KIAA0232: variants seen among roughly 807,000 people sequenced by gnomAD.
KIAA0232 encodes the protein KIAA0232.
KIAA0232 carries 27 observed loss-of-function variants against 122.0 expected under a neutral mutation model. The ratio of observed to expected loss-of-function variants is 0.22; its 90% CI spans 0.16 to 0.31. The LOEUF is 0.31. Among genes scored for constraint, KIAA0232 ranks in the 10% least tolerant of loss-of-function variants. KIAA0232 has a pLI of 1.00. For missense variants in KIAA0232, 1,551 were observed against 1,634.2 expected (o/e 0.95, Z 0.88); for synonymous variants, 613 against 587.6 (o/e 1.04, Z -0.63).
At chr4:6,784,276 C>T (rs1257149390) in intron 1 of KIAA0232, among the ~76,000 whole-genome samples, 1 of 152,040 alleles carries the variant, frequency 6.6e-6, no homozygotes, top group Non-Finnish European at 1.5e-5. Flanking sequence ...TGTTAGAAAG[C>T]TCGTGAGGGG....
intron 1 of KIAA0232, among the ~76,000 whole-genome samples, chr4:6,794,855 G>C (rs1717061504): frequency 6.6e-6 from 1 of 152,162 alleles, no homozygotes; most frequent in Non-Finnish European, 1.5e-5. Flanking sequence ...TCAGGGTTGT[G>C]TTGTTTGGCT....
chr4:6,801,896 A>G (rs1443352014), intron 1 of KIAA0232, among the ~76,000 whole-genome samples: 3 of 152,182 alleles, frequency 2.0e-5, no homozygotes. Context: ...TTATTTGTAT[A>G]CATGCCACCA....
intron 1 of KIAA0232, among the ~76,000 whole-genome samples, chr4:6,797,240 G>C (rs1028836968): frequency 1.3e-5 from 2 of 152,122 alleles, no homozygotes; most frequent in Admixed American, 6.5e-5. Flanking sequence ...GCCTTGCCAG[G>C]GTGGGCAAAA....
intron 3 of KIAA0232, among the ~76,000 whole-genome samples, chr4:6,825,914 A>C (rs570356830): frequency 6.6e-6 from 1 of 152,318 alleles, no homozygotes; most frequent in East Asian, 1.9e-4. Context: ...AAAAACTTCA[A>C]AGTCCTATAA....
intron 8 of KIAA0232, among the ~76,000 whole-genome samples, 184 bp from the exon 9 acceptor site, chr4:6,876,476 T>C (rs900013693): frequency 6.6e-6 from 1 of 152,198 alleles, no homozygotes; most frequent in African/African-American, 2.4e-5. Context: ...GCATAGCGTT[T>C]TTTTTCTCTT....
chr4:6,820,254 A>C (rs1459190955), intron 2 of KIAA0232, among the ~76,000 whole-genome samples: 1 of 152,186 alleles, frequency 6.6e-6, no homozygotes, highest in Non-Finnish European at 1.5e-5. Flanking sequence ...ATCTAAAATA[A>C]AAGTTAAAAA....
intron 1 of KIAA0232, among the ~76,000 whole-genome samples, chr4:6,791,417 C>G (rs904182457): frequency 4.7e-5 from 7 of 149,142 alleles, no homozygotes; most frequent in African/African-American, 1.7e-4. Context: ...CCTTGGCCAC[C>G]TCCCAGGCTC....
intron 1 of KIAA0232, among the ~76,000 whole-genome samples, chr4:6,801,741 T>G (rs16839338): frequency 0.01 from 1,592 of 152,056 alleles, 27 homozygotes; most frequent in African/African-American, 0.036. Flanking sequence ...AATTAGCATA[T>G]CCATGTTTTT....
intron 6 of KIAA0232, 124 bp downstream of exon 6, chr4:6,858,630 T>C (rs553551140): frequency 4.8e-6 from 3 of 624,902 alleles, no homozygotes; most frequent in East Asian, 6.1e-5. Context: ...GTAAGAAACA[T>C]TTATCGAGCG....
chr4:6,818,737 G>A (rs966385667), intron 2 of KIAA0232, among the ~76,000 whole-genome samples: 2 of 150,856 alleles, frequency 1.3e-5, no homozygotes, highest in African/African-American at 4.9e-5. Context: ...TACAAAATTC[G>A]TGTGGAACCA....
At chr4:6,797,668 A>G (rs1717188351) in intron 1 of KIAA0232, among the ~76,000 whole-genome samples, 1 of 148,446 alleles carries the variant, frequency 6.7e-6, no homozygotes, top group African/African-American at 2.5e-5. Context: ...TGGGAGGCTG[A>G]GGTGGTAGGA....
chr4:6,828,615 A>T (rs1321859387), intron 3 of KIAA0232, among the ~76,000 whole-genome samples: 1 of 152,158 alleles, frequency 6.6e-6, no homozygotes, highest in East Asian at 1.9e-4. Context: ...TTAAACATTT[A>T]TCTTTTCTTT....
At chr4:6,804,114 A>G (rs1410445165) in intron 1 of KIAA0232, among the ~76,000 whole-genome samples, 1 of 152,248 alleles carries the variant, frequency 6.6e-6, no homozygotes, top group African/African-American at 2.4e-5. Context: ...CATCACAGCT[A>G]GTAGGAATTC....
At chr4:6,848,097 T>TA (rs1720066219) in intron 4 of KIAA0232, among the ~76,000 whole-genome samples, 1 of 152,220 alleles carries the variant, frequency 6.6e-6, no homozygotes, top group Non-Finnish European at 1.5e-5. Context: ...TGACCAGTCC[T>TA]ATTGTTATTT....
In KIAA0232 at chr4:6,883,404, T is replaced by C. The variant is rs1161941775; in HGVS notation, c.*2438T>C. 1.3e-5 allele frequency: 2 copies of C among 152,478 alleles called. No individual in the cohort carries two copies. The highest frequency in any genetic ancestry group is 2.4e-5 in the African/African-American group (1 of 41,468). 9.4% of individuals were successfully genotyped at this position (152,478 alleles called of 1,614,324 possible). A position where few individuals can be genotyped will look rare whatever the true frequency, so the allele number is the denominator to read the frequency against. Reference sequence around the variant, plus strand: ...TTTTATTTCTCATAGCAAAGCTTCTTTTGTAAAGAACTCCAGCTTCCTTTT... The same window carrying C: ...TTTTATTTCTCATAGCAAAGCTTCTCTTGTAAAGAACTCCAGCTTCCTTTT... On this transcript the variant is annotated 3_prime_UTR_variant, in exon 10 of 10. Transcript: ENST00000307659.
Position 6,877,744 on chromosome 4 carries a change from C to T in KIAA0232, c.4008+987C>T, listed in dbSNP as rs573833431. On this transcript the variant is annotated intron_variant, in intron 9 of 9. Coordinates refer to ENST00000307659, the MANE Select transcript of KIAA0232 (RefSeq NM_014743.3). ...CGCTGGCAGCTGACTAGATGGTGCC[C>T]ACCCAGATGAAGGGTGGGTCTGCCT... Among the ~76,000 whole-genome samples, 12 of 152,260 alleles carry T rather than the reference C, an allele frequency of 7.9e-5. 1 individual carries two copies. The highest frequency in any genetic ancestry group is 2.6e-4 in the African/African-American group (11 of 41,536).
intron 4 of KIAA0232, 137 bp downstream of exon 4, chr4:6,842,341 C>T (rs1411704519): frequency 2.4e-6 from 2 of 823,966 alleles, no homozygotes; most frequent in Non-Finnish European, 3.7e-6. Flanking sequence ...TGAACATTAC[C>T]ACTTTTCCTT....
Position 6,863,226 on chromosome 4 carries a change from C to T in KIAA0232, c.2844C>T (p.Val948=), listed in dbSNP as rs370648015. 9.7e-5 allele frequency: 156 copies of T among 1,613,850 alleles called. No individual in the cohort carries two copies. In the African/African-American group the frequency reaches 1.2e-3, roughly 12 times the overall value. Residue 948 remains valine, a synonymous_variant, in exon 7 of 10, where the codon GTC becomes GTT. Transcript: ENST00000307659. ...KTFNSDGEWA[V]VPPSHTKGSL... The stretch of plus-strand genomic sequence containing the variant: ...TCAATAGTGATGGGGAGTGGGCAGT[C>T]GTACCACCTAGTCACACAAAAGGAA...
At chr4:6,849,518 A>G (rs901837507) in intron 4 of KIAA0232, among the ~76,000 whole-genome samples, 1 of 152,220 alleles carries the variant, frequency 6.6e-6, no homozygotes, top group Non-Finnish European at 1.5e-5. Context: ...TGGGAGGCTG[A>G]GACAGGAGAA....
Sources: allele counts gnomAD v4.1 joint callset (sites outside exome capture counted in the v4.1 genomes callset), GRCh38; gene constraint gnomAD v4.1.1; transcripts MANE v1.5; gene names NCBI Gene and HGNC (gene_info 2026-07-23, HGNC 2026-07-21).